Variants in MYO18B observed in about 807,000 individuals in gnomAD.
MYO18B encodes the protein unconventional myosin-XVIIIb.
MYO18B carries 204 observed loss-of-function variants against 273.0 expected under a neutral mutation model. The ratio of observed to expected loss-of-function variants is 0.75; its 90% CI spans 0.67 to 0.84. MYO18B has a LOEUF of 0.84. MYO18B is among the 40% of genes least tolerant of loss of function. The pLI is 0.00. For missense variants in MYO18B, 3,212 were observed against 3,287.6 expected (o/e 0.98, Z 0.56); for synonymous variants, 1,330 against 1,305.7 (o/e 1.02, Z -0.40).
At chr22:25,900,838 G>A (rs1395845290) in intron 29 of MYO18B, 1 of 152,194 alleles carries the variant, frequency 6.6e-6, no homozygotes, top group Non-Finnish European at 1.5e-5. Context: ...ACCTGTCCCA[G>A]GAATGGACAG....
intron 21 of MYO18B, among the ~76,000 whole-genome samples, chr22:25,852,166 T>C (rs143979379): frequency 2.9e-3 from 436 of 152,306 alleles, no homozygotes; most frequent in African/African-American, 9.7e-3. Flanking sequence ...AGAATTCTGA[T>C]GAACATCACT....
chr22:25,946,904 A>G (rs1017239104), intron 35 of MYO18B, among the ~76,000 whole-genome samples: 1 of 152,228 alleles, frequency 6.6e-6, no homozygotes, highest in Admixed American at 6.5e-5. Context: ...ATGGGGACAC[A>G]TGGACATATA....
chr22:25,848,178 T>C (rs1343873355), intron 20 of MYO18B, among the ~76,000 whole-genome samples: 1 of 151,862 alleles, frequency 6.6e-6, no homozygotes, highest in South Asian at 2.1e-4. Context: ...CTGTGATGAG[T>C]GATATTTTGA....
chr22:26,055,486 G>A, the MYO18B span, among the ~76,000 whole-genome samples: 1 of 152,210 alleles, frequency 6.6e-6, no homozygotes, highest in Non-Finnish European at 1.5e-5. Flanking sequence ...ATACTGGGAT[G>A]CTGATGGCTT....
intron 15 of MYO18B, among the ~76,000 whole-genome samples, chr22:25,831,757 T>C (rs2089715615): frequency 6.6e-6 from 1 of 152,218 alleles, no homozygotes; most frequent in South Asian, 2.1e-4. Context: ...ACACTCAGCC[T>C]AGCACTCATT....
At chr22:25,921,702 T>TTG (rs3070571) in intron 34 of MYO18B, among the ~76,000 whole-genome samples, 7,356 of 145,530 alleles carry the variant, frequency 0.051, 241 homozygotes, top group Middle Eastern at 0.087. Context: ...AGTGTGCCTG[T>TTG]TGTGTGTGTG....
chr22:25,847,090 AAT>A (rs1491332754), intron 19 of MYO18B, among the ~76,000 whole-genome samples: 5 of 151,142 alleles, frequency 3.3e-5, no homozygotes, highest in African/African-American at 4.9e-5. Context: ...AAAAAAAAAA[AAT>A]AAAGAAAGAA....
intron 22 of MYO18B, among the ~76,000 whole-genome samples, chr22:25,869,624 C>T (rs1398857376): frequency 6.6e-6 from 1 of 152,114 alleles, no homozygotes; most frequent in Non-Finnish European, 1.5e-5. Context: ...CTTCCACCTC[C>T]AGGAGCTATG....
chr22:25,798,859 C>T (rs1159024053), intron 12 of MYO18B, among the ~76,000 whole-genome samples: 1 of 152,064 alleles, frequency 6.6e-6, no homozygotes, highest in African/African-American at 2.4e-5. Context: ...GCCACTGTGC[C>T]CAGCCAAGGT....
At chr22:25,877,222 A>G (rs2091223696) in intron 24 of MYO18B, 2 of 152,238 alleles carry the variant, frequency 1.3e-5, no homozygotes, top group African/African-American at 4.8e-5. Context: ...GTGGTGAAAC[A>G]AAAAGTCTCT....
intron 37 of MYO18B, among the ~76,000 whole-genome samples, chr22:25,951,591 T>C (rs1216035069): frequency 6.6e-6 from 1 of 152,220 alleles, no homozygotes; most frequent in Non-Finnish European, 1.5e-5. Flanking sequence ...TTTGAAGTCA[T>C]GGTCCCTCCA....
At chr22:25,857,355 A>T (rs535473992) in intron 21 of MYO18B, among the ~76,000 whole-genome samples, 13 of 152,206 alleles carry the variant, frequency 8.5e-5, no homozygotes, top group African/African-American at 2.6e-4. Flanking sequence ...AGCCGGCAAA[A>T]TCTCTGTCCC....
At chr22:26,039,798 C>G in the MYO18B span, among the ~76,000 whole-genome samples, 1 of 152,032 alleles carries the variant, frequency 6.6e-6, no homozygotes, top group Non-Finnish European at 1.5e-5. Flanking sequence ...CCAACCTTCC[C>G]CCTCAACCCT....
intron 15 of MYO18B, among the ~76,000 whole-genome samples, chr22:25,830,373 A>G (rs2089661429): frequency 6.6e-6 from 1 of 152,170 alleles, no homozygotes; most frequent in African/African-American, 2.4e-5. Context: ...GTAGTGGCTT[A>G]GAAAAAAATC....
intron 21 of MYO18B, among the ~76,000 whole-genome samples, chr22:25,859,158 C>T (rs1489659038): frequency 6.6e-6 from 1 of 151,558 alleles, no homozygotes; most frequent in Non-Finnish European, 1.5e-5. Flanking sequence ...ATTTTAATGC[C>T]CCTTCTATAC....
intron 40 of MYO18B, among the ~76,000 whole-genome samples, chr22:25,998,643 T>G (rs1933602791): frequency 6.6e-6 from 1 of 152,250 alleles, no homozygotes; most frequent in Admixed American, 6.5e-5. Context: ...AATTTATTCA[T>G]GAGTGGACCC....
At chr22:25,848,662 T>A (rs572127202) in intron 20 of MYO18B, among the ~76,000 whole-genome samples, 20 of 152,314 alleles carry the variant, frequency 1.3e-4, no homozygotes, top group African/African-American at 4.8e-4. Context: ...AATGTGCACC[T>A]GATGTCCCCA....
At chr22:25,893,675 T>C (rs1221746328) in intron 27 of MYO18B, among the ~76,000 whole-genome samples, 1 of 152,184 alleles carries the variant, frequency 6.6e-6, no homozygotes, top group Non-Finnish European at 1.5e-5. Flanking sequence ...TCTTTATTAT[T>C]ATACCATCCG....
Position 25,772,507 on chromosome 22 carries a change from G to T in MYO18B, c.1866G>T (p.Gly622=). The stretch of plus-strand genomic sequence containing the variant: ...GGGGGCCCTCGGTGCCTTCTGCAGG[G>T]AAGGTGAGGTGGGACCATTGTGGGC... ...QPRGPSVPSA[G]KVPKGRRDGL... The change falls in exon 7 of 44, where the codon GGG becomes GGT. Residue 622 remains glycine (G), a synonymous_variant. Coordinates refer to ENST00000335473, the MANE Select transcript of MYO18B (RefSeq NM_032608.7). 1.2e-6 allele frequency: 2 copies of T among 1,613,350 alleles called. No homozygotes were observed. The highest frequency in any genetic ancestry group is 1.7e-6 in the Non-Finnish European group (2 of 1,179,732).
Sources: gnomAD v4.1 joint callset for allele counts (sites outside exome capture counted in the v4.1 genomes callset) on GRCh38, gnomAD v4.1.1 for gene constraint, MANE v1.5 for transcripts, NCBI Gene and HGNC (gene_info 2026-07-23, HGNC 2026-07-21) for gene names.